Variants in PPP1R16A observed in about 807,000 individuals in gnomAD.
PPP1R16A encodes myosin phosphatase-targeting subunit 3.
In PPP1R16A, 39 loss-of-function variants were observed where a neutral mutation model predicts 46.6. The ratio of observed to expected loss-of-function variants is 0.84; its 90% CI spans 0.65 to 1.09. The LOEUF is 1.09. Ranked by LOEUF, PPP1R16A falls within the 50% of genes least tolerant of loss-of-function variation. The probability of loss-of-function intolerance (pLI) is 0.00; values close to 1 mark genes in which losing one functional copy is unlikely to be tolerated. For missense variants in PPP1R16A, 798 were observed against 735.6 expected (o/e 1.08, Z -0.98); for synonymous variants, 413 against 321.5 (o/e 1.28, Z -3.04).
In PPP1R16A at chr8:144,498,167, G is replaced by C. The variant is rs116281549; in HGVS notation, c.260-603G>C. The C allele has an allele frequency of 3.9e-3, 1,711 of 440,624 alleles. 24 individuals are homozygous for C. Among genetic ancestry groups the C allele is most frequent in the African/African-American group, 0.031 (1,527 of 49,918 alleles). 27.3% of individuals were successfully genotyped at this position (440,624 alleles called of 1,614,324 possible). Reference sequence around the variant, plus strand: ...CAGGAGCCCTCCCGGGAGGCCTGGAGGCAGAGGGAAGAGGCGGAGGGTGCC... The same window carrying C: ...CAGGAGCCCTCCCGGGAGGCCTGGACGCAGAGGGAAGAGGCGGAGGGTGCC... On this transcript the variant is annotated intron_variant, in intron 3 of 11. Transcript: ENST00000435887.
rs1826377662 is a variant in PPP1R16A at position 144,500,631 on chromosome 8, A to T, written c.831+19A>T. 1 of 1,603,496 alleles carries T rather than the reference A, an allele frequency of 6.2e-7. No individual in the cohort carries two copies. Among genetic ancestry groups the T allele is most frequent in the African/African-American group, 1.3e-5 (1 of 75,000 alleles). Reference sequence around the variant, plus strand: ...GGGCCAGGTGAGTGCGGGCGGGAGCAGGTGGGAGGGGGCTTCCAGCGCAGC... The same window carrying T: ...GGGCCAGGTGAGTGCGGGCGGGAGCTGGTGGGAGGGGGCTTCCAGCGCAGC... On this transcript the variant is annotated intron_variant, in intron 8 of 11. Coordinates refer to ENST00000435887, the MANE Select transcript of PPP1R16A (RefSeq NM_001329443.2).
rs772502508 is a variant in PPP1R16A, at chr8:144,501,261, G to T, written c.1170G>T (p.Gln390His). 1.2e-6 allele frequency: 2 copies of T among 1,601,174 alleles called. No individual in the cohort carries two copies. Among genetic ancestry groups the T allele is most frequent in the Non-Finnish European group, 1.7e-6 (2 of 1,177,812 alleles). ...PEPPEDNDDR[Q>H]TGAELRPPPP... ...CGCCCGAGGACAACGATGACCGCCA[G>T]ACAGGCGCAGAGCTCAGGCCGCCGC... Residue 390 changes from glutamine to histidine, a missense_variant, in exon 11 of 12, where the codon CAG (glutamine) becomes CAT (histidine). Physicochemically the swap from Gln to His is conservative, Grantham distance 24 (BLOSUM62 0). Transcript: ENST00000435887.
At chr8:144,480,763 C>T (rs775767503) in intron 1 of PPP1R16A, among the ~76,000 whole-genome samples, 1 of 152,152 alleles carries the variant, frequency 6.6e-6, no homozygotes, top group Non-Finnish European at 1.5e-5. Flanking sequence ...GGATTACAGG[C>T]GTGAGCCACT....
At chr8:144,485,380 C>T (rs2130231621) in intron 1 of PPP1R16A, among the ~76,000 whole-genome samples, 1 of 151,710 alleles carries the variant, frequency 6.6e-6, no homozygotes, top group East Asian at 1.9e-4. Flanking sequence ...AAAAATTAGC[C>T]AGGCGTGGTG....
At chr8:144,480,321 T>G (rs1025740166) in intron 1 of PPP1R16A, among the ~76,000 whole-genome samples, 1 of 152,134 alleles carries the variant, frequency 6.6e-6, no homozygotes, top group Non-Finnish European at 1.5e-5. Flanking sequence ...CTTTCTGTTT[T>G]TTTGTTTGTT....
intron 5 of PPP1R16A, chr8:144,499,519 G>C (rs771800448): frequency 1.1e-5 from 2 of 187,786 alleles, no homozygotes; most frequent in African/African-American, 4.7e-5. Context: ...TTTGCTCCAG[G>C]CATCTGTAGT....
At chr8:144,498,389 C>A in intron 3 of PPP1R16A, 1 of 329,036 alleles carries the variant, frequency 3.0e-6, no homozygotes, top group Non-Finnish European at 6.0e-6. Flanking sequence ...AGCTCATGAA[C>A]ACAGGGCTGG....
At chr8:144,500,042 C>A (rs886934538) in intron 5 of PPP1R16A, 54 bp from the exon 6 acceptor site, 4 of 1,541,406 alleles carry the variant, frequency 2.6e-6, no homozygotes, top group Non-Finnish European at 3.5e-6. Flanking sequence ...AAGTGAGGAG[C>A]CTGGCAAGCG....
chr8:144,499,482 A>T (rs546572343), intron 5 of PPP1R16A: 1 of 199,322 alleles, frequency 5.0e-6, no homozygotes, highest in East Asian at 1.3e-4. Context: ...CTGAGCAGGG[A>T]GGGTCCATGA....
At chr8:144,480,123 G>A (rs1825345508) in intron 1 of PPP1R16A, among the ~76,000 whole-genome samples, 1 of 152,242 alleles carries the variant, frequency 6.6e-6, no homozygotes, top group Admixed American at 6.5e-5. Flanking sequence ...GATGTGATCC[G>A]AGTCCCACAA....
chr8:144,499,121 G>A (rs1462656695), intron 5 of PPP1R16A, 60 bp downstream of exon 5: 34 of 1,518,450 alleles, frequency 2.2e-5, no homozygotes, highest in Non-Finnish European at 6.2e-6. Context: ...CCGCTCAGGA[G>A]GCTCCTCTTG....
Position 144,501,231 on chromosome 8 carries a change from G to C in PPP1R16A, c.1140G>C (p.Pro380=). The part of the protein sequence containing the change: ...IVWQQPPPTS[P]EPPEDNDDRQ... Reference sequence around the variant, plus strand: ...GGCAACAGCCGCCGCCCACCAGCCCGGAGCCGCCCGAGGACAACGATGACC... The same window carrying C: ...GGCAACAGCCGCCGCCCACCAGCCCCGAGCCGCCCGAGGACAACGATGACC... Residue 380 remains proline (P), a synonymous_variant, in exon 11 of 12, where the codon CCG becomes CCC. Coordinates refer to ENST00000435887, the MANE Select transcript of PPP1R16A (RefSeq NM_001329443.2). 6.2e-7 allele frequency: 1 copy of C among 1,606,508 alleles called. No homozygotes were observed. Among genetic ancestry groups the C allele is most frequent in the Non-Finnish European group, 8.5e-7 (1 of 1,179,180 alleles).
intron 1 of PPP1R16A, among the ~76,000 whole-genome samples, chr8:144,480,450 G>A (rs947911431): frequency 1.6e-4 from 24 of 152,054 alleles, no homozygotes; most frequent in African/African-American, 5.8e-4. Context: ...CAGTAGCTGG[G>A]ATTACAGGCA....
intron 1 of PPP1R16A, among the ~76,000 whole-genome samples, chr8:144,485,717 A>G (rs939018505): frequency 2.0e-5 from 3 of 152,026 alleles, no homozygotes; most frequent in African/African-American, 4.8e-5. Context: ...CCATGTGTCT[A>G]CCTGTGTGTG....
chr8:144,489,599 G>T (rs1268611170), intron 1 of PPP1R16A, among the ~76,000 whole-genome samples: 1 of 152,134 alleles, frequency 6.6e-6, no homozygotes, highest in Non-Finnish European at 1.5e-5. Context: ...AGCTTCATGT[G>T]GCTGCAGAGG....
chr8:144,497,072 C>T lies in PPP1R16A; in HGVS notation c.-123C>T, dbSNP rs1371300812. On this transcript the variant is annotated 5_prime_UTR_variant, in exon 3 of 12. Coordinates refer to ENST00000435887, the MANE Select transcript of PPP1R16A (RefSeq NM_001329443.2). Reference sequence around the variant, plus strand: ...CTGACCCAGCCAAGGGCACGAAGCTCTGGGAAGGGGATGCCCCCGAGGGTG... The same window carrying T: ...CTGACCCAGCCAAGGGCACGAAGCTTTGGGAAGGGGATGCCCCCGAGGGTG... 2.2e-6 allele frequency: 3 copies of T among 1,348,284 alleles called. No individual in the cohort carries two copies. Among genetic ancestry groups the T allele is most frequent in the Non-Finnish European group, 3.0e-6 (3 of 986,356 alleles). 83.5% of individuals were successfully genotyped at this position (1,348,284 alleles called of 1,614,324 possible). A position where few individuals can be genotyped will look rare whatever the true frequency, so the allele number is the denominator to read the frequency against.
At chr8:144,482,096 CTT>C (rs978473384) in intron 1 of PPP1R16A, among the ~76,000 whole-genome samples, 1 of 146,820 alleles carries the variant, frequency 6.8e-6, no homozygotes, top group Admixed American at 7.0e-5. Flanking sequence ...CCGCCGCCGC[CTT>C]TTTTTTTGAG....
At chr8:144,499,163 T>C (rs1586758618) in intron 5 of PPP1R16A, 102 bp downstream of exon 5, 1 of 1,387,584 alleles carries the variant, frequency 7.2e-7, no homozygotes, top group Non-Finnish European at 9.6e-7. Context: ...CCTCCTGTGT[T>C]CCCGCCTTCA....
At chr8:144,499,829 C>T (rs1221279482) in intron 5 of PPP1R16A, 34 of 463,478 alleles carry the variant, frequency 7.3e-5, no homozygotes, top group Non-Finnish European at 2.0e-5. Context: ...CCATCCAATG[C>T]ATGTTTATGG....
Sources: allele counts gnomAD v4.1 joint callset (sites outside exome capture counted in the v4.1 genomes callset), GRCh38; gene constraint gnomAD v4.1.1; transcripts MANE v1.5; gene names NCBI Gene and HGNC (gene_info 2026-07-23, HGNC 2026-07-21).